PRKCA: variants seen among roughly 807,000 people sequenced by gnomAD.
PRKCA encodes protein kinase C alpha, also known as protein kinase C alpha type.
PRKCA carries 27 observed loss-of-function variants against 87.0 expected under a neutral mutation model. That is an observed-to-expected ratio of 0.31 (90% CI 0.23 to 0.43). The LOEUF is 0.43. Ranked by LOEUF, PRKCA falls within the 20% of genes least tolerant of loss-of-function variation. The pLI is 1.00. For missense variants in PRKCA, 518 were observed against 852.3 expected (o/e 0.61, Z 4.88); for synonymous variants, 329 against 311.1 (o/e 1.06, Z -0.61).
intron 2 of PRKCA, among the ~76,000 whole-genome samples, chr17:66,406,751 A>T (rs928148593): frequency 2.0e-5 from 3 of 152,018 alleles, no homozygotes; most frequent in Non-Finnish European, 4.4e-5. Context: ...AGGTAGGTAA[A>T]ATTACACAGC....
At chr17:66,405,924 A>T (rs529526953) in intron 2 of PRKCA, among the ~76,000 whole-genome samples, 4 of 152,184 alleles carry the variant, frequency 2.6e-5, no homozygotes, top group East Asian at 3.9e-4. Flanking sequence ...CTTCCTGTGG[A>T]CAATTATTAT....
chr17:66,652,083 C>T (rs371275887), intron 5 of PRKCA, among the ~76,000 whole-genome samples: 4 of 152,218 alleles, frequency 2.6e-5, no homozygotes, highest in East Asian at 1.9e-4. Flanking sequence ...CTCAGCCTCT[C>T]GAGTAGTTGG....
At chr17:66,799,643 A>ATGG (rs1181072588) in intron 16 of PRKCA, among the ~76,000 whole-genome samples, 16 of 16,550 alleles carry the variant, frequency 9.7e-4, no homozygotes, top group African/African-American at 5.0e-3. Context: ...GGTGGTGGTG[A>ATGG]TGGTGGTGGT....
chr17:66,602,353 T>TTTCCGAG (rs1970067481), intron 3 of PRKCA, among the ~76,000 whole-genome samples: 3 of 142,618 alleles, frequency 2.1e-5, no homozygotes, highest in Middle Eastern at 6.9e-3. Context: ...CGTCACCCCT[T>TTTCCGAG]TCTTTGACTC....
At position 66,360,077 on chromosome 17, in the gene PRKCA, A is replaced by G. The variant is rs373227099; in HGVS notation, c.205+53950A>G. 7.2e-5 allele frequency among the ~76,000 whole-genome samples: 11 copies of G among 152,210 alleles called. No homozygotes were observed. In the East Asian group the frequency reaches 1.3e-3, roughly 19 times the overall value. On this transcript the variant is annotated intron_variant, in intron 2 of 16. Transcript: ENST00000413366. ...AGGATAATTTATATGTAGAATTAGG[A>G]ATATTCATATCACTCAGAAGTATCA...
chr17:66,623,296 T>C (rs1281615022), intron 3 of PRKCA, among the ~76,000 whole-genome samples: 2 of 152,194 alleles, frequency 1.3e-5, no homozygotes, highest in Non-Finnish European at 2.9e-5. Flanking sequence ...CTGAACTTGA[T>C]GTAGGCTTTT....
At chr17:66,356,866 C>T (rs970432347) in intron 2 of PRKCA, among the ~76,000 whole-genome samples, 1 of 152,126 alleles carries the variant, frequency 6.6e-6, no homozygotes, top group Non-Finnish European at 1.5e-5. Flanking sequence ...GTGATTCTCC[C>T]ACCTTAGCCT....
At chr17:66,467,163 G>A (rs1224696304) in intron 2 of PRKCA, among the ~76,000 whole-genome samples, 1 of 152,126 alleles carries the variant, frequency 6.6e-6, no homozygotes, top group Non-Finnish European at 1.5e-5. Flanking sequence ...AGGAGGTGGT[G>A]TGCAAAGATC....
chr17:66,366,057 G>A (rs1908699772), intron 2 of PRKCA, among the ~76,000 whole-genome samples: 1 of 152,140 alleles, frequency 6.6e-6, no homozygotes, highest in South Asian at 2.1e-4. Flanking sequence ...CCTTAAGATT[G>A]TGAGAACTGT....
At chr17:66,658,057 G>T (rs963419238) in intron 5 of PRKCA, among the ~76,000 whole-genome samples, 33 of 152,314 alleles carry the variant, frequency 2.2e-4, no homozygotes, top group African/African-American at 7.5e-4. Context: ...TCACAGTTCT[G>T]CAGGGCTGGG....
chr17:66,425,145 C>T (rs1912727563), intron 2 of PRKCA, among the ~76,000 whole-genome samples: 1 of 152,158 alleles, frequency 6.6e-6, no homozygotes, highest in South Asian at 2.1e-4. Flanking sequence ...TCCTGTCGCT[C>T]CCAGAAGCTG....
intron 2 of PRKCA, among the ~76,000 whole-genome samples, chr17:66,472,126 G>C (rs1204241596): frequency 6.6e-6 from 1 of 152,116 alleles, no homozygotes; most frequent in African/African-American, 2.4e-5. Context: ...ACTGCACCTG[G>C]CTAATTTTTT....
chr17:66,653,581 A>G (rs1971646991), intron 5 of PRKCA, among the ~76,000 whole-genome samples: 1 of 152,006 alleles, frequency 6.6e-6, no homozygotes, highest in South Asian at 2.1e-4. Flanking sequence ...ACAGAGCAAA[A>G]CCCCATCTCC....
intron 2 of PRKCA, among the ~76,000 whole-genome samples, chr17:66,439,909 CGCCCCCAT>C (rs1310797044): frequency 2.6e-5 from 4 of 152,144 alleles, no homozygotes; most frequent in Non-Finnish European, 5.9e-5. Context: ...TTGGTCTTTG[CGCCCCCAT>C]GCCCTAGAAA....
intron 8 of PRKCA, among the ~76,000 whole-genome samples, chr17:66,697,623 TTC>T: frequency 6.6e-6 from 1 of 152,266 alleles, no homozygotes; most frequent in South Asian, 2.1e-4. Flanking sequence ...CCCCACTTCT[TTC>T]TCACCTCACC....
intron 2 of PRKCA, among the ~76,000 whole-genome samples, chr17:66,465,501 C>T (rs1160490313): frequency 6.6e-6 from 1 of 152,116 alleles, no homozygotes; most frequent in African/African-American, 2.4e-5. Context: ...AAGAGATCCT[C>T]CCACCTCAGT....
At chr17:66,746,415 T>C (rs1334098582) in intron 13 of PRKCA, among the ~76,000 whole-genome samples, 1 of 152,144 alleles carries the variant, frequency 6.6e-6, no homozygotes, top group Non-Finnish European at 1.5e-5. Context: ...AAAGATCAGA[T>C]AGGTTCAAGG....
chr17:66,788,722 G>T (rs1598945231), intron 15 of PRKCA, 117 bp from the exon 16 acceptor site: 2 of 1,226,114 alleles, frequency 1.6e-6, no homozygotes, highest in East Asian at 4.8e-5. Context: ...AGCTCTCTGA[G>T]ATGCTGTCCA....
chr17:66,378,679 C>T (rs1368808962), intron 2 of PRKCA, among the ~76,000 whole-genome samples: 1 of 152,114 alleles, frequency 6.6e-6, no homozygotes, highest in Non-Finnish European at 1.5e-5. Context: ...GCGGGCAAAT[C>T]ATTGAGGCCA....
Sources: gnomAD v4.1 joint callset for allele counts (sites outside exome capture counted in the v4.1 genomes callset) on GRCh38, gnomAD v4.1.1 for gene constraint, MANE v1.5 for transcripts, NCBI Gene and HGNC (gene_info 2026-07-23, HGNC 2026-07-21) for gene names.